The following RAD52 variants were observed in gnomAD, a reference collection of about 807,000 sequenced individuals.
RAD52 encodes DNA repair protein RAD52 homolog.
Under a neutral mutation model 55.5 loss-of-function variants are expected in RAD52, and 47 were observed. The observed-to-expected ratio is 0.85, with a 90% confidence interval of 0.67 to 1.08. The LOEUF is 1.08. Ranked by LOEUF, RAD52 falls within the 50% of genes least tolerant of loss-of-function variation. The pLI is 0.00. For missense variants in RAD52, 468 were observed against 522.8 expected, an observed-to-expected ratio of 0.90 and a Z score of 1.02; for synonymous variants, 184 against 198.9, an observed-to-expected ratio of 0.92 and a Z score of 0.63.
At chr12:990,952 A>AGTGTGTGTGTGTGTGTGAGT (rs138094397), upstream of RAD52, 2 of 150,144 alleles carry the variant, frequency 1.3e-5, no homozygotes, top group East Asian at 4.0e-4. Context: ...TGTGTGTGTG[A>AGTGTGTGTGTGTGTGTGAGT]GTGTGTGTGT....
chr12:921,531 G>A (rs573713087), intron 7 of RAD52, among the ~76,000 whole-genome samples: 1 of 151,830 alleles, frequency 6.6e-6, no homozygotes, highest in African/African-American at 2.4e-5. Context: ...AGGATCATTT[G>A]AGTCTGGGAT....
chr12:952,026 C>T (rs536502396), upstream of RAD52, among the ~76,000 whole-genome samples: 2 of 152,166 alleles, frequency 1.3e-5, no homozygotes, highest in South Asian at 2.1e-4. Context: ...TGCAGTGGCA[C>T]GGTCATAGCT....
chr12:978,262 T>C (rs966962608), intron 1 of RAD52, among the ~76,000 whole-genome samples: 9 of 151,944 alleles, frequency 5.9e-5, no homozygotes, highest in Non-Finnish European at 1.0e-4. Context: ...ACCATGTTGG[T>C]CAGGCTGGTC....
At chr12:936,120 A>G (rs1207991628) in intron 1 of RAD52, among the ~76,000 whole-genome samples, 3 of 150,486 alleles carry the variant, frequency 2.0e-5, no homozygotes. Flanking sequence ...CCTGGTCAAC[A>G]TGGTGAAACC....
chr12:934,475 AAAAAAATC>A (rs1038020965), intron 1 of RAD52, among the ~76,000 whole-genome samples: 1 of 151,916 alleles, frequency 6.6e-6, no homozygotes, highest in African/African-American at 2.4e-5. Flanking sequence ...AAAAAAAAAA[AAAAAAATC>A]ATCTTTAGGC....
chr12:959,347 T>C (rs1245405829), intron 1 of RAD52, among the ~76,000 whole-genome samples: 1 of 152,234 alleles, frequency 6.6e-6, no homozygotes, highest in Non-Finnish European at 1.5e-5. Context: ...TTAATGCATA[T>C]TTATTAGCCC....
At chr12:917,204 G>A (rs1592318641) in intron 7 of RAD52, among the ~76,000 whole-genome samples, 1 of 152,146 alleles carries the variant, frequency 6.6e-6, no homozygotes, top group Admixed American at 6.5e-5. Context: ...AATCGCGCTC[G>A]TCACTGAGGG....
At chr12:921,440 A>G (rs1956722255) in intron 7 of RAD52, among the ~76,000 whole-genome samples, 1 of 151,920 alleles carries the variant, frequency 6.6e-6, no homozygotes, top group Admixed American at 6.6e-5. Context: ...AATTTTTTGT[A>G]TTCTGTACAA....
At chr12:964,751 T>C (rs1356279499) in intron 1 of RAD52, among the ~76,000 whole-genome samples, 1 of 151,994 alleles carries the variant, frequency 6.6e-6, no homozygotes, top group Non-Finnish European at 1.5e-5. Flanking sequence ...CTAATTTTTT[T>C]ATGTTTATAG....
intron 1 of RAD52, among the ~76,000 whole-genome samples, chr12:959,409 G>A (rs1202942092): frequency 6.6e-6 from 1 of 152,178 alleles, no homozygotes; most frequent in Non-Finnish European, 1.5e-5. Context: ...TGTGAATGAA[G>A]GAGATAAAGT....
chr12:923,069 G>C (rs1956823805), intron 7 of RAD52, among the ~76,000 whole-genome samples: 1 of 151,752 alleles, frequency 6.6e-6, no homozygotes, highest in African/African-American at 2.4e-5. Flanking sequence ...TGTTGGCCAG[G>C]GTGGTCTCAA....
intron 9 of RAD52, among the ~76,000 whole-genome samples, chr12:915,667 A>G (rs551933795): frequency 6.6e-6 from 1 of 152,136 alleles, no homozygotes; most frequent in African/African-American, 2.4e-5. Flanking sequence ...CTCAATCCCA[A>G]TTTTGCCTTG....
intron 1 of RAD52, among the ~76,000 whole-genome samples, chr12:986,860 G>A (rs1454827891): frequency 1.3e-5 from 2 of 151,598 alleles, no homozygotes; most frequent in African/African-American, 4.9e-5. Flanking sequence ...AAGTTCCTGG[G>A]ACTTCCCTTT....
intron 1 of RAD52, among the ~76,000 whole-genome samples, chr12:985,578 G>C (rs560994124): frequency 6.6e-6 from 1 of 152,202 alleles, no homozygotes; most frequent in Non-Finnish European, 1.5e-5. Context: ...TTAGGTCTTT[G>C]ATTCATTTTG....
upstream of RAD52, chr12:991,100 T>G (rs1359824343): frequency 2.0e-5 from 3 of 150,350 alleles, no homozygotes; most frequent in African/African-American, 7.3e-5. Flanking sequence ...CGCGTCACGC[T>G]CCCGGGAGGC....
chr12:973,785 T>C lies in RAD52; in HGVS notation c.-19+16024A>G, dbSNP rs569467787. 1.8e-3 allele frequency among the ~76,000 whole-genome samples: 263 copies of C among 147,268 alleles called. 1 individual carries two copies. Among genetic ancestry groups the C allele is most frequent in the African/African-American group, 6.1e-3 (241 of 39,686 alleles). On this transcript the variant is annotated intron_variant, in intron 1 of 11. Coordinates refer to the RAD52 transcript ENST00000430095. ...TGAGCCACCACGCCCAGTCCTTCTT[T>C]TTTTTTTTTTTTTTTTTTTAAGAAA...
At chr12:922,876 G>C (rs1203264362) in intron 7 of RAD52, among the ~76,000 whole-genome samples, 1 of 151,358 alleles carries the variant, frequency 6.6e-6, no homozygotes, top group Non-Finnish European at 1.5e-5. Flanking sequence ...TGTCTCCCAG[G>C]CTGGAGTGCA....
At chr12:948,853 C>G (rs1008774406) in intron 1 of RAD52, among the ~76,000 whole-genome samples, 2 of 152,050 alleles carry the variant, frequency 1.3e-5, no homozygotes, top group African/African-American at 4.8e-5. Flanking sequence ...GCGCCCGCCA[C>G]CAGGCCTGCC....
At chr12:942,124 G>A (rs1376999462) in intron 1 of RAD52, among the ~76,000 whole-genome samples, 1 of 152,148 alleles carries the variant, frequency 6.6e-6, no homozygotes, top group African/African-American at 2.4e-5. Flanking sequence ...ATATGGAAAT[G>A]CAGAGGATTT....
Sources: allele counts gnomAD v4.1 joint callset (sites outside exome capture counted in the v4.1 genomes callset), GRCh38; gene constraint gnomAD v4.1.1; transcripts MANE v1.5; gene names NCBI Gene and HGNC (gene_info 2026-07-23, HGNC 2026-07-21).